The following FERMT2 variants were observed in gnomAD, a reference collection of about 807,000 sequenced individuals.
FERMT2 encodes the protein fermitin family homolog 2.
In FERMT2, 15 loss-of-function variants were observed where a neutral mutation model predicts 82.7. The observed-to-expected ratio is 0.18, with a 90% confidence interval of 0.12 to 0.28. The LOEUF is 0.28. Ranked by LOEUF, FERMT2 falls within the 10% of genes least tolerant of loss-of-function variation. FERMT2 has a pLI of 1.00. For missense variants in FERMT2, 645 were observed against 809.4 expected (o/e 0.80, Z 2.46); for synonymous variants, 274 against 271.5 (o/e 1.01, Z -0.09).
At chr14:52,927,990 TA>T in intron 2 of FERMT2, 2 of 378,340 alleles carry the variant, frequency 5.3e-6, no homozygotes, top group South Asian at 1.9e-5. Context: ...AATTCTTTTT[TA>T]AAAAAAGAAA....
chr14:52,914,424 A>AC (rs34965736), intron 3 of FERMT2, among the ~76,000 whole-genome samples: 81,475 of 151,840 alleles, frequency 0.54, 22,836 homozygotes, highest in East Asian at 0.74. Flanking sequence ...AACAACAACA[A>AC]ATATTAAACT....
At position 52,857,734 on chromosome 14, in the gene FERMT2, T is replaced by G. The variant is rs897037784; in HGVS notation, c.*643A>C. On this transcript the variant is annotated 3_prime_UTR_variant, in exon 15 of 15. Coordinates refer to ENST00000341590, the MANE Select transcript of FERMT2 (RefSeq NM_006832.3). ...AGAGTTGCATATTTTAGGCAGACAG[T>G]GATTATGCTGGTGAATACTAAAAGT... 16 of 152,628 alleles carry G rather than the reference T, an allele frequency of 1.0e-4. No individual in the cohort carries two copies. Among genetic ancestry groups the G allele is most frequent in the African/African-American group, 3.9e-4 (16 of 41,426 alleles). 9.5% of individuals were successfully genotyped at this position (152,628 alleles called of 1,614,324 possible). A position where few individuals can be genotyped will look rare whatever the true frequency, so the allele number is the denominator to read the frequency against.
At chr14:52,941,706 T>C (rs188320346) in intron 2 of FERMT2, among the ~76,000 whole-genome samples, 6 of 152,380 alleles carry the variant, frequency 3.9e-5, no homozygotes, top group African/African-American at 7.2e-5. Context: ...GAATACTGCA[T>C]ACATTAGCTT....
In FERMT2 at chr14:52,913,841, C is replaced by A. The variant is rs185731710; in HGVS notation, c.391+5282G>T. On this transcript the variant is annotated intron_variant, in intron 3 of 14. Transcript: ENST00000341590. ...CAGAGTGTGGAATGAAGAATTAATGCATAAAACATTTTATAGGAAAAAAGT... is the reference window on the plus strand; with the variant it reads ...CAGAGTGTGGAATGAAGAATTAATGAATAAAACATTTTATAGGAAAAAAGT... Among the ~76,000 whole-genome samples, 369 of 152,166 alleles carry A rather than the reference C, an allele frequency of 2.4e-3. 1 individual carries two copies. The highest frequency in any genetic ancestry group is 3.8e-3 in the Non-Finnish European group (261 of 68,004).
chr14:52,950,665 T>C (rs986959915), intron 1 of FERMT2, 88 bp from the exon 2 acceptor site: 113 of 1,378,594 alleles, frequency 8.2e-5, no homozygotes, highest in Non-Finnish European at 1.1e-4. Context: ...GGCCACGGGC[T>C]GGGAGGTGGT....
chr14:52,902,506 T>C (rs1264921957), intron 3 of FERMT2, among the ~76,000 whole-genome samples: 2 of 152,078 alleles, frequency 1.3e-5, no homozygotes, highest in African/African-American at 4.8e-5. Context: ...GTATAACTTA[T>C]ATAAAGTCCA....
At chr14:52,933,436 C>T (rs1434799834) in intron 2 of FERMT2, among the ~76,000 whole-genome samples, 4 of 151,972 alleles carry the variant, frequency 2.6e-5, no homozygotes, top group African/African-American at 4.8e-5. Flanking sequence ...GGGCCAGGCA[C>T]GGTGGCTCAC....
chr14:52,874,194 G>A lies in FERMT2; in HGVS notation c.1131C>T (p.Asp377=), dbSNP rs762349839. Residue 377 remains aspartate (D), a synonymous_variant, in exon 9 of 15, where the codon GAC becomes GAT. Coordinates refer to ENST00000341590, the MANE Select transcript of FERMT2 (RefSeq NM_006832.3). ...GDITSIPELA[D]YIKVFKPKKL... is the part of the protein sequence containing the mutation. The stretch of plus-strand genomic sequence containing the variant: ...GTACTTACTTGAAAACTTTAATGTA[G>A]TCAGCAAGTTCAGGAATGGAAGTAA... 6 of 1,597,508 alleles carry A rather than the reference G, an allele frequency of 3.8e-6. No individual in the cohort carries two copies. The Admixed American group carries it at 1.0e-4, about 28-fold the overall frequency.
rs1052612904 is a variant in FERMT2, at chr14:52,864,121, A to G, written c.1602+280T>C. On this transcript the variant is annotated intron_variant, in intron 12 of 14. Coordinates refer to ENST00000341590, the MANE Select transcript of FERMT2 (RefSeq NM_006832.3). ...TATTTTGGGTTTCAGATTTTTTTGG[A>G]TTTTGGAATATCTGCATTATACTTA... is the stretch of plus-strand genomic sequence containing the variant. 9.2e-5 allele frequency among the ~76,000 whole-genome samples: 14 copies of G among 151,928 alleles called. No individual in the cohort carries two copies. The South Asian group carries it at 2.1e-3, about 23-fold the overall frequency.
chr14:52,862,663 C>G (rs1467746783), intron 12 of FERMT2: 1 of 152,168 alleles, frequency 6.6e-6, no homozygotes, highest in Admixed American at 6.5e-5. Flanking sequence ...GACAGAGAGA[C>G]TCTGCCTCAA....
chr14:52,911,475 A>C (rs1427308289), intron 3 of FERMT2, among the ~76,000 whole-genome samples: 4 of 151,588 alleles, frequency 2.6e-5, no homozygotes, highest in Non-Finnish European at 5.9e-5. Context: ...CATGGTGAAA[A>C]CCCGTCTCTA....
At chr14:52,883,841 C>G (rs1188977948) in intron 4 of FERMT2, among the ~76,000 whole-genome samples, 1 of 151,992 alleles carries the variant, frequency 6.6e-6, no homozygotes, top group African/African-American at 2.4e-5. Flanking sequence ...TGTGTGGCAC[C>G]TCCCCACTCC....
intron 2 of FERMT2, among the ~76,000 whole-genome samples, chr14:52,926,944 TTC>T (rs746537984): frequency 2.0e-5 from 3 of 152,188 alleles, no homozygotes; most frequent in Non-Finnish European, 2.9e-5. Context: ...AAAGAATTAT[TTC>T]TGTGTCCCTC....
intron 3 of FERMT2, among the ~76,000 whole-genome samples, chr14:52,895,918 T>G (rs1275854897): frequency 1.3e-5 from 2 of 152,240 alleles, no homozygotes; most frequent in African/African-American, 4.8e-5. Context: ...GGATGTGTTC[T>G]GAGAAATGTG....
At chr14:52,918,939 C>G (rs1041209353) in intron 3 of FERMT2, among the ~76,000 whole-genome samples, 184 bp downstream of exon 3, 1 of 152,178 alleles carries the variant, frequency 6.6e-6, no homozygotes, top group Non-Finnish European at 1.5e-5. Flanking sequence ...CTAGGTTCTT[C>G]CTGTTCCACC....
rs1400068613 is a variant in FERMT2, at chr14:52,860,866, T to G, written c.1603-401A>C. 4.5e-6 allele frequency: 3 copies of G among 671,892 alleles called. No individual in the cohort carries two copies. In the East Asian group the frequency reaches 8.6e-5, roughly 19 times the overall value. The allele number at this position is 671,892 out of a possible 1,614,324, so 41.6% of individuals were successfully genotyped here. A position where few individuals can be genotyped will look rare whatever the true frequency, so the allele number is the denominator to read the frequency against. The stretch of plus-strand genomic sequence containing the variant: ...AATACATGTTTCTAGCAGGAATATT[T>G]GTTAGCAGCTTTAAGGTACTTGAAA... On this transcript the variant is annotated intron_variant, in intron 12 of 14. Transcript: ENST00000341590.
chr14:52,942,969 T>C (rs1368646948), intron 2 of FERMT2, among the ~76,000 whole-genome samples: 1 of 152,116 alleles, frequency 6.6e-6, no homozygotes, highest in East Asian at 1.9e-4. Context: ...TCCCAGCACC[T>C]TGGGAGGCCG....
chr14:52,874,923 T>C (rs1885861266), intron 8 of FERMT2, among the ~76,000 whole-genome samples: 2 of 152,032 alleles, frequency 1.3e-5, no homozygotes, highest in African/African-American at 4.8e-5. Context: ...GGTGTGGTGG[T>C]GCATGGTTGT....
chr14:52,881,179 G>A, intron 5 of FERMT2, 41 bp from the exon 6 acceptor site: 1 of 1,590,890 alleles, frequency 6.3e-7, no homozygotes, highest in Middle Eastern at 1.7e-4. Context: ...AACACAGAAT[G>A]AAGACAATAT....
Sources: allele counts gnomAD v4.1 joint callset (sites outside exome capture counted in the v4.1 genomes callset), GRCh38; gene constraint gnomAD v4.1.1; transcripts MANE v1.5; gene names NCBI Gene and HGNC (gene_info 2026-07-23, HGNC 2026-07-21).